SLC24A2: variants seen among roughly 807,000 people sequenced by gnomAD.
SLC24A2 encodes the protein sodium/potassium/calcium exchanger 2.
SLC24A2 carries 36 observed loss-of-function variants against 62.0 expected under a neutral mutation model. The observed-to-expected ratio is 0.58, with a 90% CI of 0.44 to 0.77. The LOEUF (loss-of-function observed/expected upper bound fraction) is 0.77. SLC24A2 is among the 30% of genes least tolerant of loss of function. SLC24A2 has a pLI of 0.00. For synonymous variants in SLC24A2, 358 were observed against 294.0 expected, an observed-to-expected ratio of 1.22 and a Z score of -2.23; for missense variants, 846 against 817.9, an observed-to-expected ratio of 1.03 and a Z score of -0.42.
rs773628215 is a variant in SLC24A2, at chr9:19,525,385, TCTTTA to T, written c.1569+2659_1569+2663del. ...TTCTGCAAGGTTTTTTTTTCCTATT[TCTTTA>T]CTTTTTTTTTTTTTTTTTTTTTTTT... On this transcript the variant is annotated intron_variant, in intron 9 of 10. Transcript: ENST00000341998. 3.4e-4 allele frequency among the ~76,000 whole-genome samples: 47 copies of T among 138,032 alleles called. 2 individuals carry two copies. Among genetic ancestry groups the T allele is most frequent in the South Asian group, 2.4e-3 (9 of 3,756 alleles). The allele number at this position is 138,032 out of a possible 152,430, so 90.6% of individuals were successfully genotyped here. A position where few individuals can be genotyped will look rare whatever the true frequency, so the allele number is the denominator to read the frequency against.
intron 2 of SLC24A2, among the ~76,000 whole-genome samples, chr9:19,644,492 G>C (rs960074109): frequency 4.6e-5 from 7 of 152,232 alleles, no homozygotes; most frequent in African/African-American, 1.7e-4. Context: ...AAGTGAGAAA[G>C]GGAAATATTC....
rs1380697814 is a variant in SLC24A2 at position 19,575,210 on chromosome 9, C to T, written c.1228+1714G>A. Among the ~76,000 whole-genome samples the T allele has an allele frequency of 3.3e-5, 5 of 152,100 alleles. No homozygotes were observed. In the East Asian group the frequency reaches 7.7e-4, roughly 23 times the overall value. ...CAAGTTTTTAGTAGTGACAGCGATA[C>T]GTATGTGATGTGCTGCATGTGGCTA... On this transcript the variant is annotated intron_variant, in intron 6 of 10. Transcript: ENST00000341998.
chr9:20,120,423 G>A, the SLC24A2 span, among the ~76,000 whole-genome samples: 1 of 152,130 alleles, frequency 6.6e-6, no homozygotes, highest in South Asian at 2.1e-4. Context: ...TGGAGCTGGA[G>A]GCCATTATCC....
chr9:19,809,622 T>C, the SLC24A2 span, among the ~76,000 whole-genome samples: 1 of 152,122 alleles, frequency 6.6e-6, no homozygotes, highest in Non-Finnish European at 1.5e-5. Flanking sequence ...CCCTTCTCTT[T>C]GTCAGCCACA....
chr9:19,545,758 C>T (rs1029251190), intron 8 of SLC24A2, among the ~76,000 whole-genome samples: 4 of 152,034 alleles, frequency 2.6e-5, no homozygotes, highest in African/African-American at 9.7e-5. Flanking sequence ...CCTGCCTCAG[C>T]CTCCTGAGTA....
chr9:20,215,297 C>G, the SLC24A2 span, among the ~76,000 whole-genome samples: 1 of 152,160 alleles, frequency 6.6e-6, no homozygotes. Flanking sequence ...TACCATCACC[C>G]TGGAGGTTAG....
the SLC24A2 span, among the ~76,000 whole-genome samples, chr9:20,036,179 T>C: frequency 6.6e-6 from 1 of 152,222 alleles, no homozygotes; most frequent in African/African-American, 2.4e-5. Flanking sequence ...ATTTGTTAAT[T>C]CAGATTGTAT....
intron 2 of SLC24A2, among the ~76,000 whole-genome samples, chr9:19,777,783 G>A (rs1170807810): frequency 6.6e-6 from 1 of 152,052 alleles, no homozygotes; most frequent in African/African-American, 2.4e-5. Flanking sequence ...GCGAAAATGT[G>A]CATAGTCATC....
the SLC24A2 span, among the ~76,000 whole-genome samples, chr9:20,035,511 T>G: frequency 1.3e-5 from 2 of 152,164 alleles, no homozygotes; most frequent in Non-Finnish European, 2.9e-5. Flanking sequence ...CCCAGCATTT[T>G]GGGAGGCCAA....
At chr9:20,277,405 C>A in the SLC24A2 span, among the ~76,000 whole-genome samples, 1 of 151,596 alleles carries the variant, frequency 6.6e-6, no homozygotes, top group Non-Finnish European at 1.5e-5. Flanking sequence ...AATCAAACAA[C>A]CCCATCAAAA....
chr9:20,269,602 A>C, the SLC24A2 span, among the ~76,000 whole-genome samples: 2 of 152,238 alleles, frequency 1.3e-5, no homozygotes, highest in Non-Finnish European at 2.9e-5. Flanking sequence ...GATGTCCTTT[A>C]ATATCCAGAT....
intron 2 of SLC24A2, among the ~76,000 whole-genome samples, chr9:19,702,208 T>C (rs1192435419): frequency 2.0e-5 from 3 of 152,322 alleles, no homozygotes; most frequent in Non-Finnish European, 4.4e-5. Flanking sequence ...AAACCTTTTG[T>C]TTTTCCCATG....
chr9:20,266,504 G>A, the SLC24A2 span, among the ~76,000 whole-genome samples: 92 of 151,870 alleles, frequency 6.1e-4, no homozygotes, highest in East Asian at 7.5e-3. Flanking sequence ...AAAGCCCTTC[G>A]ATAACTGCTT....
the SLC24A2 span, among the ~76,000 whole-genome samples, chr9:20,133,584 TA>T: frequency 6.6e-6 from 1 of 152,144 alleles, no homozygotes; most frequent in African/African-American, 2.4e-5. Flanking sequence ...TTCAAATGTC[TA>T]AAATAACAAA....
chr9:20,252,033 T>A, the SLC24A2 span, among the ~76,000 whole-genome samples: 4 of 152,168 alleles, frequency 2.6e-5, no homozygotes, highest in African/African-American at 9.7e-5. Flanking sequence ...GACCAATCAC[T>A]GTCAAAGGGA....
chr9:20,018,399 A>C, the SLC24A2 span, among the ~76,000 whole-genome samples: 1 of 152,140 alleles, frequency 6.6e-6, no homozygotes, highest in Admixed American at 6.5e-5. Flanking sequence ...GTGTAGAGGA[A>C]TTGCCACGAG....
chr9:20,140,790 T>C, the SLC24A2 span, among the ~76,000 whole-genome samples: 1 of 152,194 alleles, frequency 6.6e-6, no homozygotes, highest in Non-Finnish European at 1.5e-5. Flanking sequence ...TACATTATGA[T>C]TATTGTATTT....
At chr9:19,665,208 G>A (rs1363946289) in intron 2 of SLC24A2, among the ~76,000 whole-genome samples, 1 of 152,228 alleles carries the variant, frequency 6.6e-6, no homozygotes, top group Non-Finnish European at 1.5e-5. Flanking sequence ...CCTGGATAAA[G>A]GGGAATGCAT....
intron 8 of SLC24A2, among the ~76,000 whole-genome samples, chr9:19,543,442 T>C (rs1362654128): frequency 6.6e-6 from 1 of 151,800 alleles, no homozygotes; most frequent in East Asian, 1.9e-4. Flanking sequence ...TCAGTTCTGC[T>C]CTGATCTTAG....
Sources: gnomAD v4.1 joint callset for allele counts (sites outside exome capture counted in the v4.1 genomes callset) on GRCh38, gnomAD v4.1.1 for gene constraint, MANE v1.5 for transcripts, NCBI Gene and HGNC (gene_info 2026-07-23, HGNC 2026-07-21) for gene names.